Variants in CCNH observed in about 807,000 individuals in gnomAD.
CCNH encodes cyclin-H.
A neutral mutation model predicts 41.9 loss-of-function variants in CCNH; 31 were observed. The observed-to-expected ratio is 0.74, with a 90% CI of 0.56 to 1.00. The LOEUF is 1.00. Among genes scored for constraint, CCNH ranks in the 50% least tolerant of loss-of-function variants. The pLI is 0.00. For missense variants in CCNH, 362 were observed against 388.4 expected, an observed-to-expected ratio of 0.93 and a Z score of 0.57; for synonymous variants, 138 against 136.1, an observed-to-expected ratio of 1.01 and a Z score of -0.10.
At chr5:87,324,123 G>A (rs1196442976) in intron 9 of CCNH, among the ~76,000 whole-genome samples, 1 of 152,154 alleles carries the variant, frequency 6.6e-6, no homozygotes, top group Non-Finnish European at 1.5e-5. Flanking sequence ...TTATCTTCAT[G>A]TGCTGAATGG....
downstream of CCNH, among the ~76,000 whole-genome samples, chr5:87,313,976 T>C (rs971351912): frequency 3.3e-5 from 5 of 151,840 alleles, no homozygotes; most frequent in African/African-American, 1.2e-4. Flanking sequence ...GAGACTACCC[T>C]GACCAACATG....
chr5:87,395,556 C>CT (rs1219785458), intron 7 of CCNH, among the ~76,000 whole-genome samples: 4 of 152,064 alleles, frequency 2.6e-5, no homozygotes, highest in African/African-American at 9.7e-5. Context: ...TTTCAAGTAA[C>CT]TAGGAAAACA....
intron 6 of CCNH, among the ~76,000 whole-genome samples, chr5:87,401,193 C>T (rs528446370): frequency 2.4e-4 from 36 of 152,328 alleles, no homozygotes; most frequent in Non-Finnish European, 4.4e-4. Flanking sequence ...TTCCAGCTTC[C>T]GATGGCTGCC....
chr5:87,363,150 A>T (rs1760242862), intron 9 of CCNH, among the ~76,000 whole-genome samples: 2 of 152,004 alleles, frequency 1.3e-5, no homozygotes, highest in African/African-American at 2.4e-5. Flanking sequence ...TTACTCTGTG[A>T]TTAAAACAAG....
intron 9 of CCNH, among the ~76,000 whole-genome samples, chr5:87,341,992 T>C (rs1336240263): frequency 6.6e-6 from 1 of 152,168 alleles, no homozygotes; most frequent in African/African-American, 2.4e-5. Flanking sequence ...TGTTTAATGC[T>C]TCACCCTTCT....
chr5:87,350,725 A>C lies in CCNH; in HGVS notation c.*91-31828T>G, dbSNP rs3827610. Among the ~76,000 whole-genome samples the C allele has an allele frequency of 2.7e-3, 416 of 151,756 alleles. 5 individuals carry two copies. The highest frequency in any genetic ancestry group is 8.1e-3 in the East Asian group (42 of 5,178). ...ATGTTTTCAAAATGAGGATTAAAAAAAAAAAGTTAAATGTATGTTAATTTA... is the reference window on the plus strand; with the variant it reads ...ATGTTTTCAAAATGAGGATTAAAAACAAAAAGTTAAATGTATGTTAATTTA... On this transcript the variant is annotated intron_variant and NMD_transcript_variant, in intron 9 of 9. Coordinates refer to the CCNH transcript ENST00000645953.
downstream of CCNH, chr5:87,392,306 G>A (rs6879293): frequency 0.037 from 17,042 of 455,830 alleles, 971 homozygotes; most frequent in African/African-American, 0.18. Flanking sequence ...TGTCTGCTTA[G>A]TAGTTCCAAG....
downstream of CCNH, among the ~76,000 whole-genome samples, chr5:87,313,546 A>T (rs573108144): frequency 2.0e-5 from 3 of 152,234 alleles, no homozygotes; most frequent in Non-Finnish European, 4.4e-5. Context: ...CCCACCTGCC[A>T]GTGTCTACTG....
At chr5:87,326,272 C>T (rs1757223548) in intron 9 of CCNH, among the ~76,000 whole-genome samples, 1 of 152,102 alleles carries the variant, frequency 6.6e-6, no homozygotes, top group Non-Finnish European at 1.5e-5. Context: ...CGCCTGGCCA[C>T]AGCACACATT....
At chr5:87,376,720 G>C (rs1239468394) in exon 1 of CCNH, 5 of 1,222,734 alleles carry the variant, frequency 4.1e-6, no homozygotes, top group Non-Finnish European at 5.7e-6. Context: ...AATTTTGGTA[G>C]AAATAAGTAG....
At chr5:87,405,257 T>C (rs541739184) in intron 4 of CCNH, among the ~76,000 whole-genome samples, 2 of 152,140 alleles carry the variant, frequency 1.3e-5, no homozygotes, top group Non-Finnish European at 2.9e-5. Flanking sequence ...AAGAAATACA[T>C]ATTCCCAGGT....
the CCNH span, among the ~76,000 whole-genome samples, chr5:87,313,288 T>A: frequency 6.6e-6 from 1 of 152,186 alleles, no homozygotes; most frequent in Non-Finnish European, 1.5e-5. Context: ...ATTTTGGCTC[T>A]CCCTGGAGGT....
chr5:87,319,768 T>G (rs1756639511), intron 9 of CCNH, among the ~76,000 whole-genome samples: 1 of 152,238 alleles, frequency 6.6e-6, no homozygotes, highest in African/African-American at 2.4e-5. Flanking sequence ...CTATTAGCAT[T>G]TGGCTTCTTG....
At chr5:87,353,313 T>G in intron 9 of CCNH, 1 of 1,144,698 alleles carries the variant, frequency 8.7e-7, no homozygotes, top group Non-Finnish European at 1.3e-6. Flanking sequence ...TTGCACACAT[T>G]TGTACAATTC....
chr5:87,392,085 T>C (rs560132880), downstream of CCNH: 90 of 331,780 alleles, frequency 2.7e-4, no homozygotes, highest in Non-Finnish European at 2.2e-4. Context: ...ATAAATGCAA[T>C]AATTCCTTCC....
chr5:87,411,692 GC>G (rs1242093090), intron 1 of CCNH, among the ~76,000 whole-genome samples: 1 of 151,936 alleles, frequency 6.6e-6, no homozygotes, highest in Non-Finnish European at 1.5e-5. Flanking sequence ...TGATTGGAAA[GC>G]TTCCAACATC....
At chr5:87,396,171 A>T (rs1308925685) in intron 7 of CCNH, among the ~76,000 whole-genome samples, 1 of 152,196 alleles carries the variant, frequency 6.6e-6, no homozygotes, top group Non-Finnish European at 1.5e-5. Context: ...TCTAGAGATG[A>T]TTTAAAGTAT....
At chr5:87,355,898 G>T (rs1220016235) in intron 9 of CCNH, among the ~76,000 whole-genome samples, 1 of 152,208 alleles carries the variant, frequency 6.6e-6, no homozygotes, top group East Asian at 1.9e-4. Context: ...GGTAGCTGCA[G>T]ATGTGGTACA....
chr5:87,378,362 T>C (rs1424810999), upstream of CCNH: 1 of 1,608,600 alleles, frequency 6.2e-7, no homozygotes, highest in Non-Finnish European at 8.5e-7. Flanking sequence ...GTCAGTCCTT[T>C]ACAAATAATC....
Sources: gnomAD v4.1 joint callset for allele counts (sites outside exome capture counted in the v4.1 genomes callset) on GRCh38, gnomAD v4.1.1 for gene constraint, MANE v1.5 for transcripts, NCBI Gene and HGNC (gene_info 2026-07-23, HGNC 2026-07-21) for gene names.